The following SCUBE1 variants were observed in gnomAD, a reference collection of about 807,000 sequenced individuals.
The protein encoded by SCUBE1 is signal peptide, CUB and EGF-like domain-containing protein 1.
In SCUBE1, 59 loss-of-function variants were observed where a neutral mutation model predicts 124.4. The observed-to-expected ratio is 0.47, with a 90% CI of 0.38 to 0.59. The LOEUF (loss-of-function observed/expected upper bound fraction) is 0.59. Ranked by LOEUF, SCUBE1 falls within the 20% of genes least tolerant of loss-of-function variation. SCUBE1 has a pLI of 0.00. For missense variants in SCUBE1, 1,150 were observed against 1,371.2 expected (o/e 0.84, Z 2.55); for synonymous variants, 545 against 550.9 (o/e 0.99, Z 0.15).
chr22:43,256,408 T>C (rs1444234395), intron 6 of SCUBE1, among the ~76,000 whole-genome samples: 1 of 152,116 alleles, frequency 6.6e-6, no homozygotes. Flanking sequence ...GAGGGAAATA[T>C]GCGGAGACAT....
In SCUBE1 at chr22:43,198,308, G is replaced by A; in HGVS notation, c.*5689C>T. 2.9e-6 allele frequency: 1 copy of A among 348,390 alleles called. No homozygotes were observed. The highest frequency in any genetic ancestry group is 5.7e-6 in the Non-Finnish European group (1 of 175,192). 21.6% of individuals were successfully genotyped at this position (348,390 alleles called of 1,614,324 possible). ...GGCTCTGAGTGGCATGGTGCAGCAG[G>A]GGACTGGAGAGGCCTTGAGGCCATC... On this transcript the variant is annotated 3_prime_UTR_variant, in exon 22 of 22. Transcript: ENST00000360835.
chr22:43,235,809 C>T lies in SCUBE1; in HGVS notation c.844+3029G>A, dbSNP rs144729647. ...TCCTTATTCTTGAGGCCCAGAACCC[C>T]CTTCCTCTTGGAGGGACCGATTAGC... On this transcript the variant is annotated intron_variant, in intron 7 of 21. Transcript: ENST00000360835. 3.1e-3 allele frequency among the ~76,000 whole-genome samples: 477 copies of T among 152,258 alleles called. 3 individuals carry two copies. Among genetic ancestry groups the T allele is most frequent in the African/African-American group, 0.011 (454 of 41,552 alleles).
chr22:43,214,164 T>G lies in SCUBE1; in HGVS notation c.1979A>C (p.Gln660Pro). Residue 660 changes from glutamine (Q) to proline (P), a missense_variant, in exon 16 of 22, where the codon CAG (glutamine) becomes CCG (proline). Coordinates refer to ENST00000360835, the MANE Select transcript of SCUBE1 (RefSeq NM_173050.5). Reference protein sequence around the residue: ...MPGTYQDMEGQLSCTPCPSSD... With the variant: ...MPGTYQDMEGPLSCTPCPSSD... ...GCTGGGGCACGGTGTGCAACTGAGC[T>G]GGCCTTCCATGTCCTGGTATGTTCC... 1 of 1,612,392 alleles carries G rather than the reference T, an allele frequency of 6.2e-7. No homozygotes were observed. Among genetic ancestry groups the G allele is most frequent in the African/African-American group, 1.3e-5 (1 of 74,966 alleles).
intron 12 of SCUBE1, among the ~76,000 whole-genome samples, chr22:43,221,880 A>G (rs1470612998): frequency 1.3e-5 from 2 of 152,186 alleles, no homozygotes; most frequent in Non-Finnish European, 2.9e-5. Flanking sequence ...CCTGACCAAC[A>G]TGGTGAAACC....
chr22:43,309,844 C>T (rs1926108152), intron 3 of SCUBE1, among the ~76,000 whole-genome samples: 1 of 152,134 alleles, frequency 6.6e-6, no homozygotes, highest in African/African-American at 2.4e-5. Context: ...CCACTGGCTG[C>T]TCCCGTCAAC....
At chr22:43,311,490 G>A (rs969870472) in intron 3 of SCUBE1, among the ~76,000 whole-genome samples, 1 of 149,534 alleles carries the variant, frequency 6.7e-6, no homozygotes, top group Admixed American at 6.7e-5. Flanking sequence ...GTGTAATCTC[G>A]GCTCATTGCA....
rs1017853306 is a variant in SCUBE1 at position 43,248,321 on chromosome 22, G to A, written c.728-9367C>T. On this transcript the variant is annotated intron_variant, in intron 6 of 21. Coordinates refer to ENST00000360835, the MANE Select transcript of SCUBE1 (RefSeq NM_173050.5). ...CCAACGCACAAGGTGGCCTGGGTGG[G>A]CCACAGCCCCTCTAGGCTTCAGCCT... Among the ~76,000 whole-genome samples, 27 of 152,280 alleles carry A rather than the reference G, an allele frequency of 1.8e-4. No homozygotes were observed. The East Asian group carries it at 2.7e-3, about 15-fold the overall frequency.
chr22:43,227,605 C>G, intron 9 of SCUBE1, 109 bp from the exon 10 acceptor site: 2 of 1,404,668 alleles, frequency 1.4e-6, no homozygotes, highest in African/African-American at 2.8e-5. Context: ...CCCACCGAGT[C>G]GGACAGCATC....
rs1920985231 is a variant in SCUBE1, at chr22:43,200,473, C to G, written c.*3524G>C. On this transcript the variant is annotated 3_prime_UTR_variant, in exon 22 of 22. Transcript: ENST00000360835. Reference sequence around the variant, plus strand: ...CTTTTCTCTACACCTCCATCTTGAACCAGGTGGAATAGCCACCTCACATCA... The same window carrying G: ...CTTTTCTCTACACCTCCATCTTGAAGCAGGTGGAATAGCCACCTCACATCA... 1 of 152,332 alleles carries G rather than the reference C, an allele frequency of 6.6e-6. No homozygotes were observed. Among genetic ancestry groups the G allele is most frequent in the South Asian group, 2.1e-4 (1 of 4,834 alleles). 9.4% of individuals were successfully genotyped at this position (152,332 alleles called of 1,614,324 possible). A position where few individuals can be genotyped will look rare whatever the true frequency, so the allele number is the denominator to read the frequency against.
intron 3 of SCUBE1, among the ~76,000 whole-genome samples, chr22:43,298,043 C>T (rs1925629490): frequency 6.6e-6 from 1 of 152,214 alleles, no homozygotes; most frequent in Non-Finnish European, 1.5e-5. Flanking sequence ...GGCTGAGGCC[C>T]CCACCGCCTG....
chr22:43,262,892 G>A (rs778867867), intron 4 of SCUBE1, 47 bp from the exon 5 acceptor site: 2 of 1,586,132 alleles, frequency 1.3e-6, no homozygotes, highest in South Asian at 1.1e-5. Flanking sequence ...CAGGCAGAGA[G>A]GGAGAGAGAA....
intron 10 of SCUBE1, among the ~76,000 whole-genome samples, chr22:43,225,184 G>A (rs13057508): frequency 0.099 from 14,818 of 149,462 alleles, 799 homozygotes; most frequent in South Asian, 0.15. Flanking sequence ...GCCACTTATC[G>A]CATCACCCCC....
chr22:43,306,817 C>T (rs1925986020), intron 3 of SCUBE1, among the ~76,000 whole-genome samples: 1 of 152,172 alleles, frequency 6.6e-6, no homozygotes, highest in Admixed American at 6.5e-5. Context: ...CAAGTCCATG[C>T]TCTCCCTGTG....
intron 2 of SCUBE1, among the ~76,000 whole-genome samples, chr22:43,324,804 T>C (rs1014293287): frequency 4.0e-5 from 6 of 151,246 alleles, no homozygotes; most frequent in African/African-American, 1.5e-4. Flanking sequence ...AGAGCACAGC[T>C]CTATGGATGT....
At chr22:43,313,979 A>C (rs1475408051) in intron 3 of SCUBE1, among the ~76,000 whole-genome samples, 1 of 152,222 alleles carries the variant, frequency 6.6e-6, no homozygotes, top group African/African-American at 2.4e-5. Context: ...TGGTTCAGAG[A>C]GGAATGTTAC....
At chr22:43,283,800 C>T (rs990831850) in intron 4 of SCUBE1, 3 of 152,236 alleles carry the variant, frequency 2.0e-5, no homozygotes, top group Non-Finnish European at 4.4e-5. Flanking sequence ...TATGGATCTA[C>T]AATTATTTCA....
chr22:43,329,760 G>A (rs917310244), intron 2 of SCUBE1, among the ~76,000 whole-genome samples: 3 of 152,300 alleles, frequency 2.0e-5, no homozygotes, highest in South Asian at 2.1e-4. Flanking sequence ...GACCTTGCCC[G>A]TTCACACAAG....
At chr22:43,298,535 G>C (rs1925648060) in intron 3 of SCUBE1, among the ~76,000 whole-genome samples, 1 of 152,318 alleles carries the variant, frequency 6.6e-6, no homozygotes, top group East Asian at 1.9e-4. Context: ...AAGCCTGCTG[G>C]CCGCTGGGGT....
intron 4 of SCUBE1, 51 bp downstream of exon 4, chr22:43,290,995 G>A (rs1374258232): frequency 1.3e-6 from 2 of 1,513,726 alleles, no homozygotes; most frequent in Admixed American, 2.0e-5. Context: ...GGACTCTGGG[G>A]GCTGCCCATC....
Sources: allele counts gnomAD v4.1 joint callset (sites outside exome capture counted in the v4.1 genomes callset), GRCh38; gene constraint gnomAD v4.1.1; transcripts MANE v1.5; gene names NCBI Gene and HGNC (gene_info 2026-07-23, HGNC 2026-07-21).